ABL1: variants seen among roughly 807,000 people sequenced by gnomAD.
The protein encoded by ABL1 is ABL proto-oncogene 1, non-receptor tyrosine kinase, also known as tyrosine-protein kinase ABL1.
A neutral mutation model predicts 94.7 loss-of-function variants in ABL1; 11 were observed. The ratio of observed to expected loss-of-function variants is 0.12; its 90% confidence interval spans 0.07 to 0.19. ABL1 has a LOEUF of 0.19. ABL1 is among the 10% of genes least tolerant of loss of function. The pLI is 1.00. For synonymous variants in ABL1, 656 were observed against 622.4 expected (o/e 1.05, Z -0.80); for missense variants, 1,082 against 1,489.4 (o/e 0.73, Z 4.50).
intron 8 of ABL1, 124 bp downstream of exon 8, chr9:130,878,691 T>A (rs1831394741): frequency 1.1e-5 from 13 of 1,182,950 alleles, no homozygotes; most frequent in Admixed American, 2.2e-5. Context: ...GTTCTTCAGA[T>A]GCAGCTAATG....
At position 130,880,248 on chromosome 9, in the gene ABL1, A is replaced by C. The variant is rs956230677; in HGVS notation, c.1513+91A>C. On this transcript the variant is annotated intron_variant, in intron 9 of 10. Coordinates refer to ENST00000318560, the MANE Select transcript of ABL1 (RefSeq NM_005157.6). The surrounding 1 kb of genome is among the most constrained non-coding windows in gnomAD (Gnocchi z 4.4). ...GGTCATTCGGTTCACTTCCTGGTGA[A>C]AGTTCACAGACCAGCCTGTCCTGAG... 2 of 1,386,728 alleles carry C rather than the reference A, an allele frequency of 1.4e-6. No individual in the cohort carries two copies. The highest frequency in any genetic ancestry group is 2.0e-6 in the Non-Finnish European group (2 of 975,894). 85.9% of individuals were successfully genotyped at this position (1,386,728 alleles called of 1,614,324 possible).
chr9:130,876,733 CT>C (rs755840936), intron 7 of ABL1, among the ~76,000 whole-genome samples: 4,354 of 83,154 alleles, frequency 0.052, 69 homozygotes, highest in African/African-American at 0.092. Context: ...AAGTTGGTTT[CT>C]TTTTTTTTTT....
chr9:130,787,438 C>T (rs996336950), intron 1 of ABL1, among the ~76,000 whole-genome samples: 1 of 152,146 alleles, frequency 6.6e-6, no homozygotes, highest in Admixed American at 6.5e-5. Flanking sequence ...CTGACTTTTG[C>T]ATTGTATCAG....
chr9:130,763,977 G>A (rs1247770870), intron 1 of ABL1, among the ~76,000 whole-genome samples: 2 of 152,146 alleles, frequency 1.3e-5, no homozygotes, highest in Non-Finnish European at 2.9e-5. Context: ...CTAACATAAT[G>A]GGGGCAGGGA....
intron 1 of ABL1, among the ~76,000 whole-genome samples, chr9:130,827,409 C>T (rs1306342505): frequency 6.6e-6 from 1 of 152,140 alleles, no homozygotes; most frequent in Non-Finnish European, 1.5e-5. Context: ...TGGCTGTGCC[C>T]CTTCCACGCA....
intron 1 of ABL1, among the ~76,000 whole-genome samples, chr9:130,776,665 T>A (rs1832315637): frequency 6.6e-6 from 1 of 151,688 alleles, no homozygotes. Context: ...GTGAAGTTGG[T>A]AGCCCTGGAG....
intron 1 of ABL1, among the ~76,000 whole-genome samples, chr9:130,740,819 ATTTTTTTTTTTTT>A (rs34323373): frequency 1.0e-5 from 1 of 97,812 alleles, no homozygotes; most frequent in Non-Finnish European, 1.9e-5. Context: ...CCACACCCAG[ATTTTTTTTTTTTT>A]TTTTTTTTTT....
At position 130,887,275 on chromosome 9, in the gene ABL1, T is replaced by C; in HGVS notation, c.*1592T>C. On this transcript the variant is annotated 3_prime_UTR_variant, in exon 11 of 11. Coordinates refer to ENST00000318560, the MANE Select transcript of ABL1 (RefSeq NM_005157.6). The stretch of plus-strand genomic sequence containing the variant: ...ATAGAAATGGTTTCCTCTGGATCGT[T>C]TTATGCGGTTCTTACAGCACATCAC... The C allele has an allele frequency of 4.3e-6, 1 of 233,186 alleles. No individual in the cohort carries two copies. The highest frequency in any genetic ancestry group is 8.5e-6 in the Non-Finnish European group (1 of 117,964). 14.4% of individuals were successfully genotyped at this position (233,186 alleles called of 1,614,324 possible).
chr9:130,723,173 G>A (rs1831537425), intron 1 of ABL1, among the ~76,000 whole-genome samples: 1 of 152,194 alleles, frequency 6.6e-6, no homozygotes, highest in African/African-American at 2.4e-5. Flanking sequence ...TGCCTCTGCA[G>A]TTCCCTGACT....
chr9:130,749,903 G>A (rs1391760177), intron 1 of ABL1, among the ~76,000 whole-genome samples: 1 of 152,108 alleles, frequency 6.6e-6, no homozygotes, highest in Non-Finnish European at 1.5e-5. Context: ...GCCGGGCACA[G>A]TGGCTCACAC....
In ABL1 at chr9:130,880,240, C is replaced by G; in HGVS notation, c.1513+83C>G. 14 of 1,444,004 alleles carry G rather than the reference C, an allele frequency of 9.7e-6. No individual in the cohort carries two copies. The highest frequency in any genetic ancestry group is 1.4e-5 in the Non-Finnish European group (14 of 1,027,066). The allele number at this position is 1,444,004 out of a possible 1,614,324, so 89.4% of individuals were successfully genotyped here. On this transcript the variant is annotated intron_variant, in intron 9 of 10. Coordinates refer to ENST00000318560, the MANE Select transcript of ABL1 (RefSeq NM_005157.6). The surrounding 1 kb of genome is among the most constrained non-coding windows in gnomAD (Gnocchi z 4.4). ...GCAGCCTGGGTCATTCGGTTCACTT[C>G]CTGGTGAAAGTTCACAGACCAGCCT...
At chr9:130,822,860 C>T (rs1830381549) in intron 1 of ABL1, among the ~76,000 whole-genome samples, 1 of 151,872 alleles carries the variant, frequency 6.6e-6, no homozygotes, top group East Asian at 1.9e-4. Flanking sequence ...TACAGTGGCA[C>T]GATCTCAGCT....
At chr9:130,826,922 C>G (rs2132886697) in intron 1 of ABL1, among the ~76,000 whole-genome samples, 1 of 152,138 alleles carries the variant, frequency 6.6e-6, no homozygotes, top group East Asian at 1.9e-4. Context: ...ACTAAAAATA[C>G]AAAAAATTAG....
chr9:130,858,376 G>A (rs1177584365), intron 3 of ABL1, among the ~76,000 whole-genome samples: 1 of 152,116 alleles, frequency 6.6e-6, no homozygotes, highest in Non-Finnish European at 1.5e-5. Flanking sequence ...GTAGAGCACA[G>A]GGAGCTTATG....
chr9:130,787,824 C>T (rs1315597907), intron 1 of ABL1, among the ~76,000 whole-genome samples: 1 of 152,198 alleles, frequency 6.6e-6, no homozygotes, highest in Non-Finnish European at 1.5e-5. Context: ...CCTCATCTTC[C>T]TCCTGTGCTC....
chr9:130,723,326 C>T (rs1370640833), intron 1 of ABL1, among the ~76,000 whole-genome samples: 1 of 152,094 alleles, frequency 6.6e-6, no homozygotes, highest in African/African-American at 2.4e-5. Context: ...GGACGGTCCT[C>T]TGAGACCAGG....
rs532732973 is a variant in ABL1, at chr9:130,863,694, C to A, written c.822+659C>A. On this transcript the variant is annotated intron_variant, in intron 4 of 10. Coordinates refer to ENST00000318560, the MANE Select transcript of ABL1 (RefSeq NM_005157.6). The surrounding 1 kb of genome is among the most constrained non-coding windows in gnomAD (Gnocchi z 4.3). Reference sequence around the variant, plus strand: ...CAGGTTTTTTTCTTCTTTTGAAGTTCTTTGAAACCCTTAGGACGCCAAGGG... The same window carrying A: ...CAGGTTTTTTTCTTCTTTTGAAGTTATTTGAAACCCTTAGGACGCCAAGGG... 6.6e-6 allele frequency among the ~76,000 whole-genome samples: 1 copy of A among 152,226 alleles called. No homozygotes were observed. Among genetic ancestry groups the A allele is most frequent in the African/African-American group, 2.4e-5 (1 of 41,542 alleles).
At chr9:130,714,598 A>G (rs1831413148) in intron 1 of ABL1, 1 of 1,121,212 alleles carries the variant, frequency 8.9e-7, no homozygotes, top group Non-Finnish European at 1.4e-6. Flanking sequence ...TCTTAGTGGA[A>G]CTTTCTTTGT....
At chr9:130,724,854 C>A (rs945038130) in intron 1 of ABL1, 4 of 471,896 alleles carry the variant, frequency 8.5e-6, no homozygotes, top group African/African-American at 8.0e-5. Flanking sequence ...AAATCCACGC[C>A]GCTTCATTCG....
Sources: allele counts gnomAD v4.1 joint callset (sites outside exome capture counted in the v4.1 genomes callset), GRCh38; gene constraint gnomAD v4.1.1; non-coding constraint Gnocchi (gnomAD v3.1); transcripts MANE v1.5; gene names NCBI Gene and HGNC (gene_info 2026-07-23, HGNC 2026-07-21).